DSCAM: variants seen among roughly 807,000 people sequenced by gnomAD.
DSCAM encodes the protein cell adhesion molecule DSCAM.
A neutral mutation model predicts 217.7 loss-of-function variants in DSCAM; 47 were observed. The ratio of observed to expected loss-of-function variants is 0.22; its 90% CI spans 0.17 to 0.28. DSCAM has a LOEUF of 0.28. Ranked by LOEUF, DSCAM falls within the 10% of genes least tolerant of loss-of-function variation. The pLI is 1.00. For synonymous variants in DSCAM, 1,056 were observed against 1,015.3 expected, an observed-to-expected ratio of 1.04 and a Z score of -0.76; for missense variants, 2,080 against 2,618.3, an observed-to-expected ratio of 0.79 and a Z score of 4.49.
intron 20 of DSCAM, among the ~76,000 whole-genome samples, chr21:40,106,153 C>G (rs1434678642): frequency 6.6e-6 from 1 of 152,120 alleles, no homozygotes; most frequent in Non-Finnish European, 1.5e-5. Context: ...AGAGGGTGTG[C>G]AGGGGAACTG....
At chr21:40,485,010 A>T (rs924974958) in intron 3 of DSCAM, among the ~76,000 whole-genome samples, 13 of 152,044 alleles carry the variant, frequency 8.6e-5, no homozygotes, top group Admixed American at 3.3e-4. Flanking sequence ...AGCTTCCTCC[A>T]GCAGCTTTTA....
rs934776660 is a variant in DSCAM at position 40,280,348 on chromosome 21, C to T, written c.2183-4078G>A. Among the ~76,000 whole-genome samples the T allele has an allele frequency of 8.6e-5, 13 of 151,862 alleles. No homozygotes were observed. The East Asian group carries it at 1.6e-3, about 18-fold the overall frequency. ...AATACCGGCAGACACCACCATACCC[C>T]GCTAGGCCTTTAAAAATTTTTTGTA... On this transcript the variant is annotated intron_variant, in intron 10 of 32. Transcript: ENST00000400454.
intron 16 of DSCAM, among the ~76,000 whole-genome samples, chr21:40,151,914 T>C (rs904788966): frequency 1.3e-5 from 2 of 152,208 alleles, no homozygotes; most frequent in Non-Finnish European, 2.9e-5. Flanking sequence ...TAGCTTCTGA[T>C]GAGCCAATTT....
intron 3 of DSCAM, among the ~76,000 whole-genome samples, chr21:40,572,114 GTGT>G (rs869119752): frequency 7.3e-6 from 1 of 136,760 alleles, no homozygotes; most frequent in Admixed American, 7.6e-5. Context: ...GTGTGTGTGT[GTGT>G]TTGTGTGTAC....
intron 4 of DSCAM, among the ~76,000 whole-genome samples, chr21:40,357,822 T>A (rs574653255): frequency 1.5e-4 from 22 of 151,378 alleles, no homozygotes; most frequent in Non-Finnish European, 2.9e-4. Context: ...GTAACGAACC[T>A]GCACGTTGTG....
chr21:40,576,583 G>A (rs1255131405), intron 3 of DSCAM, among the ~76,000 whole-genome samples: 8 of 152,090 alleles, frequency 5.3e-5, no homozygotes, highest in Non-Finnish European at 7.4e-5. Context: ...TCATTTAAGA[G>A]AAACCATGAG....
intron 11 of DSCAM, among the ~76,000 whole-genome samples, chr21:40,192,204 C>T (rs2090958976): frequency 6.6e-6 from 1 of 152,132 alleles, no homozygotes; most frequent in African/African-American, 2.4e-5. Context: ...TTTTCCCCCT[C>T]AAGTTCTAAG....
At chr21:40,553,146 G>A (rs887235851) in intron 3 of DSCAM, among the ~76,000 whole-genome samples, 1 of 152,124 alleles carries the variant, frequency 6.6e-6, no homozygotes, top group Non-Finnish European at 1.5e-5. Context: ...AGTTTCTATT[G>A]GTGGATTTTA....
chr21:40,601,153 G>A (rs2077058815), intron 3 of DSCAM, among the ~76,000 whole-genome samples: 1 of 152,190 alleles, frequency 6.6e-6, no homozygotes, highest in Non-Finnish European at 1.5e-5. Context: ...TCCTGTCCAT[G>A]ACAATAGAAT....
chr21:40,096,943 A>G (rs1265400180), intron 20 of DSCAM, among the ~76,000 whole-genome samples: 1 of 152,176 alleles, frequency 6.6e-6, no homozygotes. Flanking sequence ...CAACAAATAT[A>G]ATTCAAAATG....
At chr21:40,127,910 G>T (rs922119789) in intron 19 of DSCAM, among the ~76,000 whole-genome samples, 1 of 151,978 alleles carries the variant, frequency 6.6e-6, no homozygotes, top group Non-Finnish European at 1.5e-5. Context: ...CCCACCCCGG[G>T]CCCTTGGGAT....
intron 3 of DSCAM, among the ~76,000 whole-genome samples, chr21:40,579,933 C>T (rs1246791771): frequency 6.6e-6 from 1 of 152,126 alleles, no homozygotes; most frequent in Non-Finnish European, 1.5e-5. Context: ...CACGTGGTGG[C>T]CCAGGGTACT....
At chr21:40,715,809 T>C (rs924338163) in intron 1 of DSCAM, among the ~76,000 whole-genome samples, 32 of 152,338 alleles carry the variant, frequency 2.1e-4, no homozygotes, top group Middle Eastern at 3.4e-3. Flanking sequence ...TTATTTTTTT[T>C]CCCTACATTA....
At chr21:40,181,678 C>A (rs2090803260) in intron 14 of DSCAM, among the ~76,000 whole-genome samples, 1 of 151,596 alleles carries the variant, frequency 6.6e-6, no homozygotes, top group Admixed American at 6.6e-5. Context: ...TATTTCCGGG[C>A]ACCTGCTGAA....
At chr21:40,779,755 G>A (rs972755347) in intron 1 of DSCAM, among the ~76,000 whole-genome samples, 1 of 152,200 alleles carries the variant, frequency 6.6e-6, no homozygotes, top group African/African-American at 2.4e-5. Flanking sequence ...GCCTGGCAAA[G>A]GGATGGCAGT....
chr21:40,637,706 T>G (rs2089825051), intron 3 of DSCAM, among the ~76,000 whole-genome samples: 1 of 143,366 alleles, frequency 7.0e-6, no homozygotes, highest in Non-Finnish European at 1.5e-5. Flanking sequence ...AGAGTCTCAC[T>G]CTGTCAGCCA....
rs112718296 is a variant in DSCAM, at chr21:40,621,093, A to T, written c.508+71717T>A. Among the ~76,000 whole-genome samples, 628 of 152,310 alleles carry T rather than the reference A, an allele frequency of 4.1e-3. 6 individuals are homozygous for T. Among genetic ancestry groups the T allele is most frequent in the African/African-American group, 0.014 (587 of 41,568 alleles). ...TTGGGAGACCAGGGATAAAAATGAC[A>T]AAAAAGGGGCACCAGGAAAGTTTGG... On this transcript the variant is annotated intron_variant, in intron 3 of 32. Coordinates refer to ENST00000400454, the MANE Select transcript of DSCAM (RefSeq NM_001389.5).
At chr21:40,442,793 A>G (rs900128024) in intron 3 of DSCAM, among the ~76,000 whole-genome samples, 3 of 152,114 alleles carry the variant, frequency 2.0e-5, no homozygotes, top group African/African-American at 7.2e-5. Flanking sequence ...TACAGACGTG[A>G]GCCACCATGC....
intron 11 of DSCAM, among the ~76,000 whole-genome samples, chr21:40,205,419 A>G (rs11702147): frequency 0.57 from 85,888 of 151,596 alleles, 26,084 homozygotes; most frequent in African/African-American, 0.8. Flanking sequence ...ACCGGCCAAC[A>G]TGGCAAAACC....
Sources: allele counts gnomAD v4.1 joint callset (sites outside exome capture counted in the v4.1 genomes callset), GRCh38; gene constraint gnomAD v4.1.1; transcripts MANE v1.5; gene names NCBI Gene and HGNC (gene_info 2026-07-23, HGNC 2026-07-21).